The following RBFOX1 variants were observed in gnomAD, a reference collection of about 807,000 sequenced individuals.
The protein encoded by RBFOX1 is RNA binding protein fox-1 homolog 1.
RBFOX1 carries 8 observed loss-of-function variants against 57.7 expected under a neutral mutation model. The ratio of observed to expected loss-of-function variants is 0.14; its 90% CI spans 0.08 to 0.25. The LOEUF (loss-of-function observed/expected upper bound fraction) is 0.25. Among genes scored for constraint, RBFOX1 ranks in the 10% least tolerant of loss-of-function variants. RBFOX1 has a pLI of 1.00. For missense variants in RBFOX1, 611 were observed against 548.5 expected, an observed-to-expected ratio of 1.11 and a Z score of -1.14; for synonymous variants, 326 against 222.4, an observed-to-expected ratio of 1.47 and a Z score of -4.15.
chr16:6,576,685 C>G (rs1436660817), intron 2 of RBFOX1, among the ~76,000 whole-genome samples: 2 of 151,902 alleles, frequency 1.3e-5, no homozygotes, highest in African/African-American at 2.4e-5. Context: ...TGAGGTCAAA[C>G]TATGTGGAAG....
intron 3 of RBFOX1, among the ~76,000 whole-genome samples, chr16:5,708,482 C>G (rs1047751210): frequency 6.6e-6 from 1 of 152,156 alleles, no homozygotes; most frequent in African/African-American, 2.4e-5. Flanking sequence ...ATTAGTAGAT[C>G]CACCTGCGTC....
chr16:6,105,416 C>T (rs1046456617), intron 1 of RBFOX1, among the ~76,000 whole-genome samples: 2 of 151,976 alleles, frequency 1.3e-5, no homozygotes, highest in Non-Finnish European at 2.9e-5. Flanking sequence ...TTTTGTTCAT[C>T]AGAATTATCA....
intron 2 of RBFOX1, among the ~76,000 whole-genome samples, chr16:6,621,242 A>C (rs2098225953): frequency 6.6e-6 from 1 of 152,318 alleles, no homozygotes; most frequent in South Asian, 2.1e-4. Context: ...CCGGCGGATC[A>C]CAAGGTCAGG....
rs577001974 is a variant in RBFOX1 at position 5,610,765 on chromosome 16, G to A, written c.318+11804G>A. Reference sequence around the variant, plus strand: ...TGTCTTCAGTCCCAGCCACTCCAGAGGCTGAGGTGGGAGGATCGCTTGAGC... The same window carrying A: ...TGTCTTCAGTCCCAGCCACTCCAGAAGCTGAGGTGGGAGGATCGCTTGAGC... On this transcript the variant is annotated intron_variant, in intron 3 of 19. Transcript: ENST00000641259. 3.9e-5 allele frequency: 6 copies of A among 152,316 alleles called. No individual in the cohort carries two copies. In the East Asian group the frequency reaches 1.2e-3, roughly 29 times the overall value. The allele number at this position is 152,316 out of a possible 1,614,324, so 9.4% of individuals were successfully genotyped here.
At chr16:6,517,721 G>T (rs941937244) in intron 2 of RBFOX1, among the ~76,000 whole-genome samples, 4 of 152,054 alleles carry the variant, frequency 2.6e-5, no homozygotes, top group South Asian at 2.1e-4. Flanking sequence ...TTGCACGATG[G>T]TTTCAAAATT....
chr16:6,952,688 C>G (rs781566719), intron 3 of RBFOX1, among the ~76,000 whole-genome samples: 1 of 151,856 alleles, frequency 6.6e-6, no homozygotes, highest in South Asian at 2.1e-4. Context: ...AAAAATTATC[C>G]TTGGTAGGGC....
At chr16:6,435,533 A>T (rs1056127295) in intron 2 of RBFOX1, among the ~76,000 whole-genome samples, 1 of 151,962 alleles carries the variant, frequency 6.6e-6, no homozygotes, top group Non-Finnish European at 1.5e-5. Flanking sequence ...TGAACTCCTT[A>T]CCTTCGGTGA....
chr16:7,701,247 A>G (rs1444200725), intron 14 of RBFOX1, among the ~76,000 whole-genome samples: 1 of 145,592 alleles, frequency 6.9e-6, no homozygotes, highest in Non-Finnish European at 1.5e-5. Context: ...ACTTTGCTGC[A>G]TTTTTAGTCA....
intron 14 of RBFOX1, among the ~76,000 whole-genome samples, chr16:7,704,797 T>A (rs959242933): frequency 2.0e-5 from 3 of 152,150 alleles, no homozygotes; most frequent in Non-Finnish European, 4.4e-5. Context: ...ATGTTTGTAA[T>A]CCTAGCACTT....
chr16:6,873,675 G>A (rs1266978208), intron 3 of RBFOX1, among the ~76,000 whole-genome samples: 1 of 152,164 alleles, frequency 6.6e-6, no homozygotes, highest in African/African-American at 2.4e-5. Context: ...GAAGGAAAAT[G>A]TGAGTATTTA....
At chr16:6,739,309 G>C (rs1394201361) in intron 3 of RBFOX1, among the ~76,000 whole-genome samples, 1 of 151,682 alleles carries the variant, frequency 6.6e-6, no homozygotes, top group Non-Finnish European at 1.5e-5. Flanking sequence ...AGACCCTGCA[G>C]ACATTAAAAG....
intron 3 of RBFOX1, among the ~76,000 whole-genome samples, chr16:6,870,861 A>C (rs1301809002): frequency 1.3e-5 from 2 of 152,212 alleles, no homozygotes; most frequent in Admixed American, 1.3e-4. Context: ...TCACTAATAA[A>C]AGGCCCTAAC....
At position 7,712,408 on chromosome 16, in the gene RBFOX1, AT is replaced by A; in HGVS notation, c.*1664del. The A allele has an allele frequency of 6.5e-6, 1 of 152,740 alleles. No individual in the cohort carries two copies. Among genetic ancestry groups the A allele is most frequent in the Middle Eastern group, 3.4e-3 (1 of 294 alleles). 9.5% of individuals were successfully genotyped at this position (152,740 alleles called of 1,614,324 possible). ...AAACCAAACAAAACTTTAAAAAAAAATGTGTGATCCAGCTTTCTCTTGCCAT... is the reference window on the plus strand; with the variant it reads ...AAACCAAACAAAACTTTAAAAAAAAAGTGTGATCCAGCTTTCTCTTGCCAT... On this transcript the variant is annotated 3_prime_UTR_variant, in exon 16 of 16. Transcript: ENST00000550418.
chr16:6,959,624 C>T (rs1226376325), intron 3 of RBFOX1, among the ~76,000 whole-genome samples: 2 of 152,134 alleles, frequency 1.3e-5, no homozygotes, highest in African/African-American at 4.8e-5. Context: ...CCAGCACTGA[C>T]TGAGTGGTTA....
intron 1 of RBFOX1, among the ~76,000 whole-genome samples, chr16:6,213,221 A>G (rs753593175): frequency 6.6e-6 from 1 of 151,952 alleles, no homozygotes; most frequent in Non-Finnish European, 1.5e-5. Context: ...GTCTTTGGGG[A>G]TAGCTTTATG....
chr16:7,371,685 G>A lies in RBFOX1; in HGVS notation c.28-146462G>A, dbSNP rs187725746. On this transcript the variant is annotated intron_variant, in intron 4 of 15. Coordinates refer to ENST00000550418, the MANE Select transcript of RBFOX1 (RefSeq NM_018723.4). ...GAATCGCTTGAACCCATGGGGCGGA[G>A]GTTGCAGTGAGCTGAGATCACGCCA... is the stretch of plus-strand genomic sequence containing the variant. 1.8e-3 allele frequency among the ~76,000 whole-genome samples: 275 copies of A among 152,286 alleles called. 5 individuals carry two copies. The highest frequency in any genetic ancestry group is 7.9e-4 in the Non-Finnish European group (54 of 68,034).
chr16:6,842,285 A>C (rs1389505238), intron 3 of RBFOX1, among the ~76,000 whole-genome samples: 1 of 151,532 alleles, frequency 6.6e-6, no homozygotes, highest in African/African-American at 2.4e-5. Context: ...TAAGGAAATA[A>C]AAACAACTTT....
At chr16:6,370,016 A>G (rs8044575) in intron 2 of RBFOX1, among the ~76,000 whole-genome samples, 7,023 of 152,246 alleles carry the variant, frequency 0.046, 435 homozygotes, top group African/African-American at 0.14. Context: ...TTAATCCACA[A>G]CAGTGACAGT....
intron 4 of RBFOX1, among the ~76,000 whole-genome samples, chr16:7,202,126 A>C (rs975144833): frequency 6.6e-6 from 1 of 151,208 alleles, no homozygotes; most frequent in Non-Finnish European, 1.5e-5. Flanking sequence ...ACAGCAATAT[A>C]AACAACTTGA....
Sources: allele counts gnomAD v4.1 joint callset (sites outside exome capture counted in the v4.1 genomes callset), GRCh38; gene constraint gnomAD v4.1.1; transcripts MANE v1.5; gene names NCBI Gene and HGNC (gene_info 2026-07-23, HGNC 2026-07-21).